PDE4D: variants seen among roughly 807,000 people sequenced by gnomAD.
PDE4D encodes the protein 3',5'-cyclic-AMP phosphodiesterase 4D.
Under a neutral mutation model 87.4 loss-of-function variants are expected in PDE4D, and 24 were observed. The ratio of observed to expected loss-of-function variants is 0.27; its 90% CI spans 0.20 to 0.39. PDE4D has a LOEUF of 0.39. Ranked by LOEUF, PDE4D falls within the 10% of genes least tolerant of loss-of-function variation. The pLI is 1.00. For missense variants in PDE4D, 714 were observed against 1,041.0 expected, an observed-to-expected ratio of 0.69 and a Z score of 4.32; for synonymous variants, 384 against 383.2, an observed-to-expected ratio of 1.00 and a Z score of -0.02.
intron 2 of PDE4D, among the ~76,000 whole-genome samples, chr5:60,105,804 G>C (rs998019850): frequency 2.1e-4 from 32 of 152,140 alleles, no homozygotes; most frequent in African/African-American, 7.2e-4. Flanking sequence ...TTACAGACAA[G>C]CAAATGCTGA....
At chr5:59,034,200 T>A (rs1041947591) in intron 6 of PDE4D, among the ~76,000 whole-genome samples, 12 of 152,194 alleles carry the variant, frequency 7.9e-5, no homozygotes, top group Non-Finnish European at 1.5e-4. Flanking sequence ...ATTGAGTAGA[T>A]GAAAAAGCAG....
At chr5:59,064,720 G>C (rs1440830308) in intron 5 of PDE4D, among the ~76,000 whole-genome samples, 1 of 152,040 alleles carries the variant, frequency 6.6e-6, no homozygotes, top group Non-Finnish European at 1.5e-5. Context: ...AATGTATTTA[G>C]AGTATCAGTA....
At chr5:60,305,492 T>G (rs1754414851) in intron 1 of PDE4D, among the ~76,000 whole-genome samples, 1 of 151,982 alleles carries the variant, frequency 6.6e-6, no homozygotes, top group African/African-American at 2.4e-5. Context: ...TCATCAGTAT[T>G]CCTAGAGGAG....
chr5:59,232,397 A>T (rs1266280730), intron 1 of PDE4D, among the ~76,000 whole-genome samples: 4 of 152,084 alleles, frequency 2.6e-5, no homozygotes, highest in African/African-American at 9.7e-5. Flanking sequence ...TCAAAAGAAG[A>T]TGTAAAATGA....
At chr5:59,709,733 A>G (rs1287679651) in intron 1 of PDE4D, among the ~76,000 whole-genome samples, 1 of 152,190 alleles carries the variant, frequency 6.6e-6, no homozygotes, top group African/African-American at 2.4e-5. Context: ...AAGGGAGTAG[A>G]CGATTTGAAG....
At chr5:60,218,259 A>T (rs1169810726) in intron 1 of PDE4D, among the ~76,000 whole-genome samples, 1 of 152,038 alleles carries the variant, frequency 6.6e-6, no homozygotes, top group Non-Finnish European at 1.5e-5. Context: ...AAAGAAAGCA[A>T]ATATAAGGTA....
At chr5:59,333,500 T>C (rs1212078219) in intron 1 of PDE4D, among the ~76,000 whole-genome samples, 2 of 152,132 alleles carry the variant, frequency 1.3e-5, no homozygotes, top group Non-Finnish European at 2.9e-5. Context: ...CTTTTGATTT[T>C]CCCTGTGCAG....
intron 1 of PDE4D, among the ~76,000 whole-genome samples, chr5:59,451,701 C>T (rs905844217): frequency 2.6e-5 from 4 of 152,212 alleles, no homozygotes; most frequent in African/African-American, 4.8e-5. Context: ...TCCTCCATTG[C>T]CTCTGCTATC....
intron 1 of PDE4D, among the ~76,000 whole-genome samples, chr5:59,779,788 T>G (rs1764424742): frequency 6.6e-6 from 1 of 152,248 alleles, no homozygotes; most frequent in Admixed American, 6.5e-5. Context: ...CAAAGAACAT[T>G]CTTGCAAAAC....
intron 6 of PDE4D, chr5:58,999,992 A>G (rs372528843): frequency 3.9e-6 from 3 of 779,202 alleles, no homozygotes; most frequent in Non-Finnish European, 4.7e-6. Context: ...CTCTGCACCA[A>G]TTGCATTCCA....
intron 5 of PDE4D, among the ~76,000 whole-genome samples, chr5:59,173,211 C>T (rs777148272): frequency 2.0e-5 from 3 of 152,070 alleles, no homozygotes; most frequent in Admixed American, 6.6e-5. Flanking sequence ...ATTATTTCCC[C>T]TCATAATTAG....
chr5:60,451,746 C>A (rs1040455065), intron 1 of PDE4D, among the ~76,000 whole-genome samples: 1 of 152,046 alleles, frequency 6.6e-6, no homozygotes, highest in African/African-American at 2.4e-5. Flanking sequence ...GGACCCTCTG[C>A]TATGCTGCCG....
At chr5:59,019,854 T>C (rs1292258488) in intron 6 of PDE4D, among the ~76,000 whole-genome samples, 1 of 150,368 alleles carries the variant, frequency 6.7e-6, no homozygotes, top group African/African-American at 2.5e-5. Context: ...TTTTCAGAGG[T>C]ATGTCTATAT....
rs539653545 is a variant in PDE4D, at chr5:60,316,629, A to C, written c.-89-130942T>G. Reference sequence around the variant, plus strand: ...GTATGATATTGGCTGTGGGTTTGTCATAGATAGCTCTTATTATTTTGAGAT... The same window carrying C: ...GTATGATATTGGCTGTGGGTTTGTCCTAGATAGCTCTTATTATTTTGAGAT... On this transcript the variant is annotated intron_variant, in intron 1 of 16. Coordinates refer to the PDE4D transcript ENST00000502484. 5.9e-5 allele frequency among the ~76,000 whole-genome samples: 9 copies of C among 152,298 alleles called. No individual in the cohort carries two copies. The South Asian group carries it at 1.9e-3, about 32-fold the overall frequency.
intron 1 of PDE4D, among the ~76,000 whole-genome samples, chr5:59,271,736 T>C (rs1266557875): frequency 1.3e-5 from 2 of 152,230 alleles, no homozygotes; most frequent in Non-Finnish European, 2.9e-5. Context: ...GAGCAAATTG[T>C]GGTTTAATGT....
intron 1 of PDE4D, among the ~76,000 whole-genome samples, chr5:60,436,247 G>A (rs1330714754): frequency 6.6e-6 from 1 of 152,030 alleles, no homozygotes; most frequent in Admixed American, 6.6e-5. Flanking sequence ...CAAGAAATGT[G>A]GCCATATTAT....
intron 1 of PDE4D, among the ~76,000 whole-genome samples, chr5:60,481,274 T>C (rs1748708075): frequency 6.6e-6 from 1 of 152,172 alleles, no homozygotes; most frequent in Admixed American, 6.6e-5. Flanking sequence ...TTGAAACTGA[T>C]GTTTTATTAA....
intron 1 of PDE4D, chr5:59,314,133 C>T (rs373284391): frequency 6.6e-6 from 1 of 152,166 alleles, no homozygotes; most frequent in East Asian, 1.9e-4. Flanking sequence ...CCAACATTCC[C>T]GAGTGGGCCT....
At chr5:59,306,892 G>T (rs1317137085) in intron 1 of PDE4D, among the ~76,000 whole-genome samples, 1 of 111,870 alleles carries the variant, frequency 8.9e-6, no homozygotes, top group Non-Finnish European at 1.7e-5. Flanking sequence ...AAAAGAGCCT[G>T]CATCACCAAG....
Sources: allele counts gnomAD v4.1 joint callset (sites outside exome capture counted in the v4.1 genomes callset), GRCh38; gene constraint gnomAD v4.1.1; transcripts MANE v1.5; gene names NCBI Gene and HGNC (gene_info 2026-07-23, HGNC 2026-07-21).